ARHGAP10: variants seen among roughly 807,000 people sequenced by gnomAD.
ARHGAP10 encodes the protein Rho GTPase activating protein 10.
A neutral mutation model predicts 108.6 loss-of-function variants in ARHGAP10; 87 were observed. The observed-to-expected ratio is 0.80, with a 90% CI of 0.67 to 0.96. ARHGAP10 has a LOEUF of 0.96. ARHGAP10 is among the 40% of genes least tolerant of loss of function. The probability of loss-of-function intolerance (pLI) is 0.00; values close to 1 mark genes in which losing one functional copy is unlikely to be tolerated. For missense variants in ARHGAP10, 939 were observed against 954.5 expected (o/e 0.98, Z 0.21); for synonymous variants, 347 against 341.1 (o/e 1.02, Z -0.19).
intron 13 of ARHGAP10, among the ~76,000 whole-genome samples, chr4:147,920,904 G>T (rs1263607869): frequency 6.6e-6 from 1 of 152,204 alleles, no homozygotes; most frequent in African/African-American, 2.4e-5. Flanking sequence ...GACAAACTTG[G>T]TTGTGAAGGA....
At position 147,826,826 on chromosome 4, in the gene ARHGAP10, A is replaced by G. The variant is rs542533345; in HGVS notation, c.312+3869A>G. ...AATCAGTAATTTCTTAATTTTGTGA[A>G]AAGTTAGGTCATATTCAAGTTTTCC... is the stretch of plus-strand genomic sequence containing the variant. On this transcript the variant is annotated intron_variant, in intron 3 of 22. Transcript: ENST00000336498. Among the ~76,000 whole-genome samples the G allele has an allele frequency of 3.9e-5, 6 of 152,310 alleles. No homozygotes were observed. In the East Asian group the frequency reaches 9.6e-4, roughly 24 times the overall value.
At chr4:147,835,509 G>A (rs1433843512) in intron 3 of ARHGAP10, among the ~76,000 whole-genome samples, 1 of 152,092 alleles carries the variant, frequency 6.6e-6, no homozygotes, top group Non-Finnish European at 1.5e-5. Context: ...GAGTAGCTGG[G>A]GTTACAGGCA....
At chr4:148,002,601 G>C (rs530177192) in intron 18 of ARHGAP10, among the ~76,000 whole-genome samples, 4 of 152,104 alleles carry the variant, frequency 2.6e-5, no homozygotes, top group African/African-American at 4.8e-5. Context: ...GCCTGTTATT[G>C]GTCTATTCGG....
chr4:147,784,805 T>TATTACAAAATATATATTATA (rs1323904773), intron 1 of ARHGAP10, among the ~76,000 whole-genome samples: 2 of 7,250 alleles, frequency 2.8e-4, no homozygotes, highest in African/African-American at 3.3e-4. Context: ...ATTATAAATA[T>TATTACAAAATATATATTATA]AATATATTAT....
At chr4:147,817,619 G>C (rs957648476) in intron 1 of ARHGAP10, among the ~76,000 whole-genome samples, 4 of 152,068 alleles carry the variant, frequency 2.6e-5, no homozygotes, top group African/African-American at 7.2e-5. Flanking sequence ...TCCTAACCCT[G>C]GGAAGAATTA....
intron 13 of ARHGAP10, 120 bp from the exon 14 acceptor site, chr4:147,939,705 T>C (rs984737535): frequency 2.3e-6 from 2 of 879,212 alleles, no homozygotes. Context: ...TCAAAGGTTA[T>C]TTTTATAGTT....
At chr4:147,759,035 A>G (rs17023763) in intron 1 of ARHGAP10, among the ~76,000 whole-genome samples, 7,302 of 150,802 alleles carry the variant, frequency 0.048, 546 homozygotes, top group African/African-American at 0.16. Flanking sequence ...CTTTTTGTCT[A>G]TTTTCTTCAA....
At chr4:148,056,044 A>T (rs1287428709) in intron 20 of ARHGAP10, among the ~76,000 whole-genome samples, 1 of 152,146 alleles carries the variant, frequency 6.6e-6, no homozygotes, top group Non-Finnish European at 1.5e-5. Flanking sequence ...ACACAGCTAC[A>T]CTTAGTTGTT....
intron 18 of ARHGAP10, among the ~76,000 whole-genome samples, chr4:147,989,758 G>A (rs1457584809): frequency 1.3e-5 from 2 of 152,104 alleles, no homozygotes; most frequent in East Asian, 1.9e-4. Flanking sequence ...TACAATTTGT[G>A]TAGTTAACGC....
At chr4:147,917,060 A>G (rs988148049) in intron 13 of ARHGAP10, 2 of 152,238 alleles carry the variant, frequency 1.3e-5, no homozygotes, top group African/African-American at 4.8e-5. Flanking sequence ...GTCATCAAAA[A>G]TTAGAAATTG....
At chr4:147,915,432 G>T (rs1288676334) in intron 13 of ARHGAP10, among the ~76,000 whole-genome samples, 2 of 152,072 alleles carry the variant, frequency 1.3e-5, no homozygotes, top group Non-Finnish European at 2.9e-5. Context: ...TCATTTGCAT[G>T]CTTATTAATT....
At chr4:147,752,323 A>G (rs1048554673) in intron 1 of ARHGAP10, among the ~76,000 whole-genome samples, 5 of 152,214 alleles carry the variant, frequency 3.3e-5, no homozygotes, top group Admixed American at 2.0e-4. Flanking sequence ...AAAATTTTCT[A>G]TCAAGTGATA....
chr4:147,946,740 C>G (rs773060254), intron 15 of ARHGAP10, 36 bp downstream of exon 15: 1 of 1,463,470 alleles, frequency 6.8e-7, no homozygotes, highest in East Asian at 2.3e-5. Context: ...GAAGAATGGA[C>G]TATTTGGATC....
At chr4:147,836,948 C>T (rs542704848) in intron 3 of ARHGAP10, among the ~76,000 whole-genome samples, 1 of 151,996 alleles carries the variant, frequency 6.6e-6, no homozygotes, top group African/African-American at 2.4e-5. Flanking sequence ...AAAAATAGAA[C>T]TAGTTAGGGC....
intron 1 of ARHGAP10, among the ~76,000 whole-genome samples, chr4:147,802,084 C>T (rs191990521): frequency 4.6e-5 from 7 of 152,258 alleles, no homozygotes; most frequent in Admixed American, 2.0e-4. Flanking sequence ...ACTGACAGGT[C>T]GGAGGAGTGG....
intron 18 of ARHGAP10, among the ~76,000 whole-genome samples, chr4:147,971,105 A>G (rs1408223672): frequency 1.3e-5 from 2 of 151,862 alleles, no homozygotes; most frequent in African/African-American, 4.8e-5. Context: ...AAAAAAAAAA[A>G]AAAAAAAAAA....
chr4:147,963,465 C>G (rs17579697), intron 16 of ARHGAP10, among the ~76,000 whole-genome samples: 1 of 152,142 alleles, frequency 6.6e-6, no homozygotes, highest in Non-Finnish European at 1.5e-5. Context: ...ACTTCTTTGA[C>G]GCCTGTGAAA....
At chr4:147,922,643 C>G (rs1213168440) in intron 13 of ARHGAP10, among the ~76,000 whole-genome samples, 52 of 148,198 alleles carry the variant, frequency 3.5e-4, no homozygotes, top group African/African-American at 1.1e-3. Flanking sequence ...AGCCGAGATC[C>G]CGCCACTGCA....
intron 1 of ARHGAP10, among the ~76,000 whole-genome samples, chr4:147,743,998 G>A (rs1275425011): frequency 6.6e-6 from 1 of 152,130 alleles, no homozygotes; most frequent in African/African-American, 2.4e-5. Context: ...TCTTGTCACT[G>A]AACTCTAGCT....
Sources: gnomAD v4.1 joint callset for allele counts (sites outside exome capture counted in the v4.1 genomes callset) on GRCh38, gnomAD v4.1.1 for gene constraint, MANE v1.5 for transcripts, NCBI Gene and HGNC (gene_info 2026-07-23, HGNC 2026-07-21) for gene names.